GLYAT: variants seen among roughly 807,000 people sequenced by gnomAD.
GLYAT encodes the protein glycine N-acyltransferase.
A neutral mutation model predicts 22.8 loss-of-function variants in GLYAT; 25 were observed. The observed-to-expected ratio is 1.09, with a 90% confidence interval of 0.80 to 1.53. The LOEUF (loss-of-function observed/expected upper bound fraction) is 1.53. Ranked by LOEUF, GLYAT falls within the 40% of genes most tolerant of loss-of-function variation. The pLI is 0.00. For missense variants in GLYAT, 411 were observed against 353.9 expected, an observed-to-expected ratio of 1.16 and a Z score of -1.29; for synonymous variants, 140 against 122.7, an observed-to-expected ratio of 1.14 and a Z score of -0.93.
intron 1 of GLYAT, among the ~76,000 whole-genome samples, chr11:58,730,299 A>T (rs1007749194): frequency 2.0e-5 from 3 of 152,130 alleles, no homozygotes; most frequent in Non-Finnish European, 4.4e-5. Context: ...ACACAGCAAG[A>T]CCCCAATCTC....
At chr11:58,722,099 C>G (rs910524611) in intron 2 of GLYAT, among the ~76,000 whole-genome samples, 3 of 151,936 alleles carry the variant, frequency 2.0e-5, no homozygotes, top group African/African-American at 7.2e-5. Context: ...ATAATTTGAC[C>G]AAATTTGGGG....
intron 2 of GLYAT, among the ~76,000 whole-genome samples, chr11:58,720,424 G>T (rs1414913551): frequency 2.0e-5 from 3 of 152,002 alleles, no homozygotes; most frequent in Non-Finnish European, 4.4e-5. Context: ...TTATAAAACT[G>T]ACATTGCAAG....
Position 58,709,833 on chromosome 11 carries a change from A to G in GLYAT, c.824T>C (p.Met275Thr), listed in dbSNP as rs1356867030. The G allele has an allele frequency of 7.4e-6, 12 of 1,613,888 alleles. No homozygotes were observed. The highest frequency in any genetic ancestry group is 2.2e-5 in the East Asian group (1 of 44,900). The change falls in exon 6 of 6, where the codon ATG becomes ACG. Residue 275 changes from methionine to threonine, a missense_variant. Physicochemically the swap from Met to Thr is moderately conservative, Grantham distance 81. Coordinates refer to ENST00000344743, the MANE Select transcript of GLYAT (RefSeq NM_201648.3). The part of the protein sequence containing the change: ...VDYSNEAMQK[M>T]SYTLQHVPIP... ...GGGAACATGTTGCAGTGTGTAACTCATTTTTTGCATAGCTTCATTGCTGTA... is the reference window on the plus strand; with the variant it reads ...GGGAACATGTTGCAGTGTGTAACTCGTTTTTTGCATAGCTTCATTGCTGTA...
At chr11:58,719,504 C>T (rs770574865) in intron 2 of GLYAT, among the ~76,000 whole-genome samples, 25 of 151,976 alleles carry the variant, frequency 1.6e-4, no homozygotes, top group African/African-American at 3.4e-4. Flanking sequence ...GATTAATTTA[C>T]GGAGAAATGA....
intron 5 of GLYAT, 151 bp from the exon 6 acceptor site, chr11:58,710,319 A>T (rs1856597877): frequency 7.8e-7 from 1 of 1,288,220 alleles, no homozygotes; most frequent in African/African-American, 1.5e-5. Flanking sequence ...AGAGGAACAG[A>T]GTGAAGGTCA....
chr11:58,713,044 G>A (rs528195080), intron 3 of GLYAT, among the ~76,000 whole-genome samples, 158 bp from the exon 4 acceptor site: 1 of 152,004 alleles, frequency 6.6e-6, no homozygotes, highest in Admixed American at 6.6e-5. Context: ...TGTAAAAAAT[G>A]TGTAATATTT....
rs34686912 is a variant in GLYAT at position 58,729,470 on chromosome 11, G to A, written c.-16+2365C>T. Reference sequence around the variant, plus strand: ...ACATGATGTTTTAAAGTTGAATTTCGTTTTCTTTTCTAGATGTTGAATTCT... The same window carrying A: ...ACATGATGTTTTAAAGTTGAATTTCATTTTCTTTTCTAGATGTTGAATTCT... On this transcript the variant is annotated intron_variant, in intron 1 of 5. Coordinates refer to ENST00000344743, the MANE Select transcript of GLYAT (RefSeq NM_201648.3). Among the ~76,000 whole-genome samples the A allele has an allele frequency of 4.9e-3, 744 of 152,064 alleles. 8 individuals carry two copies. Among genetic ancestry groups the A allele is most frequent in the Middle Eastern group, 0.024 (7 of 294 alleles).
intron 2 of GLYAT, among the ~76,000 whole-genome samples, chr11:58,717,566 G>A (rs1220812703): frequency 6.6e-6 from 1 of 151,708 alleles, no homozygotes; most frequent in Non-Finnish European, 1.5e-5. Context: ...AAAAAAAGAA[G>A]AAAAATAAAT....
Position 58,710,119 on chromosome 11 carries a change from AGTGAGCATGG to A in GLYAT, c.528_537del (p.His177TrpfsTer2). On this transcript the variant is annotated frameshift_variant, in exon 6 of 6. Coordinates refer to ENST00000344743, the MANE Select transcript of GLYAT (RefSeq NM_201648.3). LOFTEE classifies it low-confidence loss of function (END_TRUNC). ...CCAAAATGCCAGAATTTATTCACCA[AGTGAGCATGG>A]GTAACATCCATGGATGAGAGTTTAA... The A allele has an allele frequency of 6.2e-7, 1 of 1,614,084 alleles. No homozygotes were observed. The highest frequency in any genetic ancestry group is 1.1e-5 in the South Asian group (1 of 91,080).
At chr11:58,723,679 G>A (rs1389834268) in intron 2 of GLYAT, among the ~76,000 whole-genome samples, 4 of 151,954 alleles carry the variant, frequency 2.6e-5, no homozygotes, top group African/African-American at 9.7e-5. Context: ...GGTTCCATTG[G>A]AGTGAGCCAT....
At chr11:58,711,782 G>A (rs1454792079) in intron 4 of GLYAT, among the ~76,000 whole-genome samples, 2 of 152,146 alleles carry the variant, frequency 1.3e-5, no homozygotes, top group Non-Finnish European at 2.9e-5. Flanking sequence ...ACTTACCTTG[G>A]CCACATTGAC....
At chr11:58,713,402 A>G (rs998443136) in intron 3 of GLYAT, among the ~76,000 whole-genome samples, 7 of 152,144 alleles carry the variant, frequency 4.6e-5, no homozygotes, top group African/African-American at 1.4e-4. Flanking sequence ...TCTTCTTACC[A>G]CCATCATCCT....
chr11:58,712,259 A>G lies in GLYAT; in HGVS notation c.316+501T>C, dbSNP rs138266011. 4.7e-3 allele frequency among the ~76,000 whole-genome samples: 717 copies of G among 152,276 alleles called. 6 individuals are homozygous for G. The highest frequency in any genetic ancestry group is 0.021 in the Middle Eastern group (6 of 292). On this transcript the variant is annotated intron_variant, in intron 4 of 5. Transcript: ENST00000344743. ...AGTGCCTTGTGTTTTAGGTAACATTATTTTCCTCATTTTTATATATGAGGA... is the reference window on the plus strand; with the variant it reads ...AGTGCCTTGTGTTTTAGGTAACATTGTTTTCCTCATTTTTATATATGAGGA...
chr11:58,726,893 C>A (rs1202504826), intron 1 of GLYAT, among the ~76,000 whole-genome samples: 1 of 152,008 alleles, frequency 6.6e-6, no homozygotes, highest in Non-Finnish European at 1.5e-5. Flanking sequence ...TGTTTATTTG[C>A]CCTCGACATA....
intron 3 of GLYAT, among the ~76,000 whole-genome samples, chr11:58,714,135 T>C (rs1249409801): frequency 6.6e-6 from 1 of 152,048 alleles, no homozygotes; most frequent in African/African-American, 2.4e-5. Context: ...GAGAGTAGAA[T>C]GGTAGTTATC....
At position 58,710,061 on chromosome 11, in the gene GLYAT, C is replaced by A. The variant is rs145499766; in HGVS notation, c.596G>T (p.Arg199Leu). 14 of 1,613,994 alleles carry A rather than the reference C, an allele frequency of 8.7e-6. No individual in the cohort carries two copies. The highest frequency in any genetic ancestry group is 2.2e-5 in the East Asian group (1 of 44,874). ...GCAGGTGGGAAAGGTCTGAATGCAGCGCTCAATGAATCTCTGGCTCCTCTC... is the reference window on the plus strand; with the variant it reads ...GCAGGTGGGAAAGGTCTGAATGCAGAGCTCAATGAATCTCTGGCTCCTCTC... Reference protein sequence around the residue: ...GNERSQRFIERCIQTFPTCCL... With the variant: ...GNERSQRFIELCIQTFPTCCL... The change falls in exon 6 of 6, where the codon CGC becomes CTC. Residue 199 changes from arginine (R) to leucine (L), a missense_variant. By Grantham distance (102) the Arg-to-Leu change is moderately radical. Transcript: ENST00000344743.
chr11:58,709,988 G>C lies in GLYAT; in HGVS notation c.669C>G (p.Asp223Glu). ...EGTPVCWDLM[D>E]QTGEMRMAGT... ...CTGCCATTCTCATCTCTCCAGTCTG[G>C]TCCATTAGATCCCAGCACACAGGGG... The change falls in exon 6 of 6, where the codon GAC becomes GAG. Residue 223 changes from aspartate (D) to glutamate (E), a missense_variant. Physicochemically the swap from Asp to Glu is conservative, Grantham distance 45. Transcript: ENST00000344743. 1.9e-6 allele frequency: 3 copies of C among 1,614,092 alleles called. No homozygotes were observed. The highest frequency in any genetic ancestry group is 2.5e-6 in the Non-Finnish European group (3 of 1,179,976).
intron 2 of GLYAT, among the ~76,000 whole-genome samples, chr11:58,718,245 C>A (rs1276575824): frequency 6.6e-6 from 1 of 152,038 alleles, no homozygotes; most frequent in African/African-American, 2.4e-5. Context: ...AGAATACTCA[C>A]AATTTCCAAA....
In GLYAT at chr11:58,709,145, A is replaced by G. The variant is rs1302020421; in HGVS notation, c.*621T>C. The G allele has an allele frequency of 6.6e-6, 1 of 152,136 alleles. No homozygotes were observed. The highest frequency in any genetic ancestry group is 1.5e-5 in the Non-Finnish European group (1 of 68,012). The allele number at this position is 152,136 out of a possible 1,614,324, so 9.4% of individuals were successfully genotyped here. On this transcript the variant is annotated 3_prime_UTR_variant, in exon 6 of 6. Coordinates refer to ENST00000344743, the MANE Select transcript of GLYAT (RefSeq NM_201648.3). ...AGCTCATCTTTAGAAAAAACATTGGATCTTTTTTCCTGGAATAGGAGCTTG... is the reference window on the plus strand; with the variant it reads ...AGCTCATCTTTAGAAAAAACATTGGGTCTTTTTTCCTGGAATAGGAGCTTG...
Sources: allele counts gnomAD v4.1 joint callset (sites outside exome capture counted in the v4.1 genomes callset), GRCh38; gene constraint gnomAD v4.1.1; transcripts MANE v1.5; gene names NCBI Gene and HGNC (gene_info 2026-07-23, HGNC 2026-07-21).